PDSS2: variants seen among roughly 807,000 people sequenced by gnomAD.
PDSS2 encodes decaprenyl diphosphate synthase subunit 2, also known as all trans-polyprenyl-diphosphate synthase PDSS2.
PDSS2 carries 31 observed loss-of-function variants against 44.5 expected under a neutral mutation model. The observed-to-expected ratio is 0.70, with a 90% confidence interval of 0.52 to 0.94. PDSS2 has a LOEUF of 0.94. Among genes scored for constraint, PDSS2 ranks in the 40% least tolerant of loss-of-function variants. The probability of loss-of-function intolerance (pLI) is 0.00; values close to 1 mark genes in which losing one functional copy is unlikely to be tolerated. For synonymous variants in PDSS2, 157 were observed against 180.3 expected (o/e 0.87, Z 1.03); for missense variants, 452 against 482.2 (o/e 0.94, Z 0.59).
chr6:107,329,752 A>G (rs902989736), intron 2 of PDSS2, among the ~76,000 whole-genome samples: 43 of 152,170 alleles, frequency 2.8e-4, no homozygotes, highest in African/African-American at 1.0e-3. Flanking sequence ...AATTCATACA[A>G]TCATGTAACA....
intron 1 of PDSS2, among the ~76,000 whole-genome samples, chr6:107,412,260 G>T (rs771756412): frequency 2.2e-4 from 16 of 72,374 alleles, no homozygotes; most frequent in Non-Finnish European, 3.2e-4. Context: ...TTTTTTTTGA[G>T]ACGGAGTCTC....
At chr6:107,389,335 G>C (rs1779711132) in intron 1 of PDSS2, among the ~76,000 whole-genome samples, 1 of 151,868 alleles carries the variant, frequency 6.6e-6, no homozygotes. Flanking sequence ...GAATATGGGG[G>C]AAAAAAAGGA....
intron 1 of PDSS2, among the ~76,000 whole-genome samples, chr6:107,430,359 G>C (rs1781157289): frequency 1.3e-5 from 2 of 152,058 alleles, no homozygotes; most frequent in African/African-American, 4.8e-5. Flanking sequence ...AAGTAGCCAG[G>C]CGTGGTGGCG....
chr6:107,299,734 C>T (rs200819749), intron 2 of PDSS2, among the ~76,000 whole-genome samples: 1 of 152,262 alleles, frequency 6.6e-6, no homozygotes, highest in African/African-American at 2.4e-5. Flanking sequence ...CATCCATATG[C>T]CCCGCAACTG....
chr6:107,213,311 A>G (rs1562380107), intron 4 of PDSS2, among the ~76,000 whole-genome samples: 1 of 75,144 alleles, frequency 1.3e-5, no homozygotes, highest in Non-Finnish European at 2.3e-5. Context: ...ACACCCAGAT[A>G]ATTTTTTTTT....
At chr6:107,336,903 G>T (rs1266612219) in intron 1 of PDSS2, among the ~76,000 whole-genome samples, 1 of 138,748 alleles carries the variant, frequency 7.2e-6, no homozygotes, top group Non-Finnish European at 1.5e-5. Context: ...CCTGGTCAGG[G>T]ATTAAGGATA....
intron 4 of PDSS2, among the ~76,000 whole-genome samples, chr6:107,232,094 T>C (rs1239114964): frequency 6.6e-6 from 1 of 152,188 alleles, no homozygotes; most frequent in African/African-American, 2.4e-5. Flanking sequence ...TAGCACGTAA[T>C]AGGTACTCAA....
At chr6:107,226,114 C>T (rs561954558) in intron 4 of PDSS2, among the ~76,000 whole-genome samples, 1 of 152,244 alleles carries the variant, frequency 6.6e-6, no homozygotes, top group Non-Finnish European at 1.5e-5. Context: ...CGAGACCATC[C>T]TGGCTAACAC....
At chr6:107,358,305 G>C (rs543745246) in intron 1 of PDSS2, among the ~76,000 whole-genome samples, 1 of 152,224 alleles carries the variant, frequency 6.6e-6, no homozygotes, top group East Asian at 1.9e-4. Context: ...TCCAAAACAT[G>C]TCCGGTGCCA....
chr6:107,339,757 G>A (rs1205372471), intron 1 of PDSS2, among the ~76,000 whole-genome samples: 2 of 152,100 alleles, frequency 1.3e-5, no homozygotes, highest in Non-Finnish European at 2.9e-5. Flanking sequence ...AGCACAAGGA[G>A]GGGCATATGC....
At chr6:107,395,004 TC>T (rs1779896239) in intron 1 of PDSS2, among the ~76,000 whole-genome samples, 1 of 152,216 alleles carries the variant, frequency 6.6e-6, no homozygotes, top group Non-Finnish European at 1.5e-5. Context: ...ATGACTTCTT[TC>T]AGCTTTGATT....
intron 7 of PDSS2, among the ~76,000 whole-genome samples, chr6:107,160,866 G>A (rs1771100800): frequency 6.6e-6 from 1 of 151,734 alleles, no homozygotes; most frequent in African/African-American, 2.4e-5. Context: ...TCAGCCTCCT[G>A]AGTGGCTGGG....
chr6:107,196,297 A>G (rs1772561091), intron 6 of PDSS2, among the ~76,000 whole-genome samples: 1 of 152,226 alleles, frequency 6.6e-6, no homozygotes, highest in African/African-American at 2.4e-5. Flanking sequence ...TTGCTCACTT[A>G]TGACCTAGCT....
chr6:107,375,399 T>C (rs1779256887), intron 1 of PDSS2, among the ~76,000 whole-genome samples: 2 of 152,192 alleles, frequency 1.3e-5, no homozygotes, highest in South Asian at 4.1e-4. Context: ...GATAGGACTC[T>C]GCTGTAGACC....
chr6:107,309,623 A>G (rs1162453897), intron 2 of PDSS2, among the ~76,000 whole-genome samples: 1 of 152,136 alleles, frequency 6.6e-6, no homozygotes, highest in Non-Finnish European at 1.5e-5. Flanking sequence ...GCAGGAACGG[A>G]AGGATGCTGG....
chr6:107,194,969 TTAACA>T (rs1351343155), intron 6 of PDSS2, among the ~76,000 whole-genome samples: 1 of 151,888 alleles, frequency 6.6e-6, no homozygotes, highest in Non-Finnish European at 1.5e-5. Context: ...AAAAAAAATC[TTAACA>T]TAACAACCAG....
At chr6:107,224,045 C>G (rs1419999076) in intron 4 of PDSS2, among the ~76,000 whole-genome samples, 1 of 151,312 alleles carries the variant, frequency 6.6e-6, no homozygotes, top group Non-Finnish European at 1.5e-5. Context: ...TCTAGGTTGC[C>G]TGCTCCATAA....
chr6:107,305,174 CT>C (rs921079493), intron 2 of PDSS2, among the ~76,000 whole-genome samples: 2 of 151,328 alleles, frequency 1.3e-5, no homozygotes, highest in East Asian at 1.9e-4. Flanking sequence ...TCAGCAAATA[CT>C]TTTTTTTTCA....
chr6:107,354,064 T>C (rs1778512792), intron 1 of PDSS2, among the ~76,000 whole-genome samples: 1 of 152,220 alleles, frequency 6.6e-6, no homozygotes, highest in African/African-American at 2.4e-5. Flanking sequence ...TTAATGAATT[T>C]AATATACTAA....
Sources: gnomAD v4.1 joint callset for allele counts (sites outside exome capture counted in the v4.1 genomes callset) on GRCh38, gnomAD v4.1.1 for gene constraint, MANE v1.5 for transcripts, NCBI Gene and HGNC (gene_info 2026-07-23, HGNC 2026-07-21) for gene names.